NAV1: variants seen among roughly 807,000 people sequenced by gnomAD.
The protein encoded by NAV1 is pore membrane and/or filament interacting like protein 3.
A neutral mutation model predicts 175.2 loss-of-function variants in NAV1; 18 were observed. The observed-to-expected ratio is 0.10, with a 90% CI of 0.07 to 0.15. The LOEUF is 0.15. NAV1 is among the 10% of genes least tolerant of loss of function. NAV1 has a pLI of 1.00. For missense variants in NAV1, 1,731 were observed against 2,436.6 expected (o/e 0.71, Z 6.10); for synonymous variants, 897 against 978.7 (o/e 0.92, Z 1.56).
In NAV1 at chr1:201,697,676, G is replaced by C. The variant is rs574411186; in HGVS notation, c.758-15141G>C. On this transcript the variant is annotated intron_variant, in intron 1 of 29. Coordinates refer to ENST00000367296, the Ensembl canonical transcript of NAV1. Reference sequence around the variant, plus strand: ...CAGCCTCTTCTGGGCTTGCAGCAGGGCTGTCTATACTGGTCCATACACAGG... The same window carrying C: ...CAGCCTCTTCTGGGCTTGCAGCAGGCCTGTCTATACTGGTCCATACACAGG... Among the ~76,000 whole-genome samples the C allele has an allele frequency of 2.0e-5, 3 of 152,266 alleles. No individual in the cohort carries two copies. In the South Asian group the frequency reaches 6.2e-4, roughly 32 times the overall value.
chr1:201,586,771 C>T (rs1045303339), intron 1 of NAV1, among the ~76,000 whole-genome samples: 5 of 152,132 alleles, frequency 3.3e-5, no homozygotes, highest in African/African-American at 7.2e-5. Context: ...TCTCATTTAA[C>T]CTTAATTACC....
At chr1:201,670,612 A>T (rs1670005982) in intron 1 of NAV1, among the ~76,000 whole-genome samples, 2 of 151,542 alleles carry the variant, frequency 1.3e-5, no homozygotes, top group East Asian at 3.9e-4. Flanking sequence ...TTTTTTGTTG[A>T]TGATGGCAGT....
At chr1:201,669,396 G>A (rs1669949599) in intron 1 of NAV1, among the ~76,000 whole-genome samples, 1 of 152,186 alleles carries the variant, frequency 6.6e-6, no homozygotes, top group Admixed American at 6.5e-5. Context: ...GTATGTGTCA[G>A]CACAGAGGTC....
chr1:201,813,307 TAACA>T lies in NAV1; in HGVS notation c.5340+52_5340+55del. On this transcript the variant is annotated intron_variant, in intron 28 of 29. Transcript: ENST00000367296. The surrounding 1 kb of genome is among the most constrained non-coding windows in gnomAD (Gnocchi z 4.2). Reference sequence around the variant, plus strand: ...AACCCTAAGATCAGGCTGTCCTACCTAACAAAGTAGGAATGTTTCTTTAATGTTA... The same window carrying T: ...AACCCTAAGATCAGGCTGTCCTACCTAAGTAGGAATGTTTCTTTAATGTTA... 4.2e-6 allele frequency: 5 copies of T among 1,203,168 alleles called. No homozygotes were observed. The highest frequency in any genetic ancestry group is 6.1e-6 in the Non-Finnish European group (5 of 821,394). 74.5% of individuals were successfully genotyped at this position (1,203,168 alleles called of 1,614,324 possible).
At chr1:201,623,212 G>A in exon 1 of NAV1, 1 of 986,014 alleles carries the variant, frequency 1.0e-6, no homozygotes, top group Non-Finnish European at 1.2e-6. Context: ...CCCGAAAGCA[G>A]CCCTCTCCAG....
intron 3 of NAV1, among the ~76,000 whole-genome samples, chr1:201,731,396 AG>A (rs377139409): frequency 6.6e-4 from 100 of 152,128 alleles, no homozygotes; most frequent in African/African-American, 2.3e-3. Flanking sequence ...TGAGAGGTGG[AG>A]GGACCCCTCC....
Position 201,812,403 on chromosome 1 carries a change from G to T in NAV1, c.5025-62G>T. On this transcript the variant is annotated intron_variant, in intron 26 of 29. Coordinates refer to ENST00000367296, the Ensembl canonical transcript of NAV1. This position sits in a 1 kb window ranked among gnomAD's most constrained non-coding sequence, Gnocchi z 4.6. The stretch of plus-strand genomic sequence containing the variant: ...CAGAAGGAGGGACAGACTGGCAGGG[G>T]CTGAACCCTGACAATGTCCCCATTG... The T allele has an allele frequency of 6.5e-7, 1 of 1,529,062 alleles. No homozygotes were observed. The allele number at this position is 1,529,062 out of a possible 1,614,324, so 94.7% of individuals were successfully genotyped here. A position where few individuals can be genotyped will look rare whatever the true frequency, so the allele number is the denominator to read the frequency against.
intron 3 of NAV1, among the ~76,000 whole-genome samples, chr1:201,760,736 A>G (rs565491540): frequency 5.9e-5 from 9 of 152,304 alleles, no homozygotes; most frequent in African/African-American, 2.2e-4. Context: ...GTGGATTTGG[A>G]TGGGAGTCTC....
At chr1:201,727,583 C>A (rs1672661372) in intron 3 of NAV1, among the ~76,000 whole-genome samples, 1 of 152,184 alleles carries the variant, frequency 6.6e-6, no homozygotes, top group South Asian at 2.1e-4. Context: ...TGAAGAATGT[C>A]TTGGGCCGGG....
At chr1:201,660,862 C>G (rs1030651839) in intron 1 of NAV1, among the ~76,000 whole-genome samples, 4 of 152,116 alleles carry the variant, frequency 2.6e-5, no homozygotes, top group Admixed American at 6.5e-5. Context: ...GTGGAGGTCC[C>G]AGAGGAAGGG....
chr1:201,782,265 C>T lies in NAV1; in HGVS notation c.1753C>T (p.Arg585Cys), dbSNP rs150675502. The T allele has an allele frequency of 6.8e-6, 11 of 1,614,066 alleles. No homozygotes were observed. The highest frequency in any genetic ancestry group is 2.7e-5 in the African/African-American group (2 of 74,922). The stretch of plus-strand genomic sequence containing the variant: ...CTCCTCCTCTGATGCTGGTCGGGAC[C>T]GCCTGAGTGATGCTAAGAAGCCCCC... The change falls in exon 6 of 30, where the codon CGC becomes TGC. Residue 585 changes from arginine (R) to cysteine (C), a missense_variant. By Grantham distance (180) the Arg-to-Cys change is radical (BLOSUM62 -3). Around this residue, in one of 13 missense-constraint regions of NAV1, gnomAD observed 634 missense variants for 766.8 expected, o/e 0.83. Coordinates refer to ENST00000367296, the Ensembl canonical transcript of NAV1. This position sits in a 1 kb window ranked among gnomAD's most constrained non-coding sequence, Gnocchi z 5.4.
chr1:201,627,045 T>C (rs1483942797), intron 1 of NAV1, among the ~76,000 whole-genome samples: 1 of 152,252 alleles, frequency 6.6e-6, no homozygotes, highest in African/African-American at 2.4e-5. Flanking sequence ...TTGCATCATA[T>C]TAATGGCAGC....
chr1:201,823,628 ATTGG>A (rs1679513636), exon 30 of NAV1: 1 of 152,218 alleles, frequency 6.6e-6, no homozygotes, highest in South Asian at 2.1e-4. Context: ...TGAAATGTTC[ATTGG>A]TTGGTATACT....
At chr1:201,551,117 C>T (rs1665840460) in intron 1 of NAV1, among the ~76,000 whole-genome samples, 3 of 152,324 alleles carry the variant, frequency 2.0e-5, no homozygotes. Context: ...TACCCAAAGC[C>T]ACATAACTTT....
chr1:201,670,380 C>CAAAAAAAAA (rs58216500), intron 1 of NAV1, among the ~76,000 whole-genome samples: 2 of 12,170 alleles, frequency 1.6e-4, no homozygotes, highest in African/African-American at 5.6e-4. Context: ...GACTCCATCT[C>CAAAAAAAAA]AAAAAAAAAA....
At chr1:201,795,296 A>G (rs1201850192) in intron 15 of NAV1, 1 of 152,188 alleles carries the variant, frequency 6.6e-6, no homozygotes, top group Non-Finnish European at 1.5e-5. Context: ...AGAGAACTCC[A>G]TTGACTTTTC....
At chr1:201,543,130 C>T (rs768648986) in intron 1 of NAV1, among the ~76,000 whole-genome samples, 4 of 151,970 alleles carry the variant, frequency 2.6e-5, no homozygotes, top group African/African-American at 9.7e-5. Flanking sequence ...TTTTTCTTGC[C>T]TAATTGCTCT....
Position 201,782,783 on chromosome 1 carries a change from T to C in NAV1, c.2271T>C (p.Ser757=), listed in dbSNP as rs149643745. The stretch of plus-strand genomic sequence containing the variant: ...ACTCAGACAACATCTCCTTGAAGAG[T>C]ATTGGCTCCCCAGAAAGTACTCCCA... Residue 757 remains serine, a synonymous_variant, in exon 6 of 30, where the codon AGT becomes AGC. Transcript: ENST00000367296. This position sits in a 1 kb window ranked among gnomAD's most constrained non-coding sequence, Gnocchi z 5.4. 4.2e-5 allele frequency: 68 copies of C among 1,613,400 alleles called. No individual in the cohort carries two copies. The highest frequency in any genetic ancestry group is 1.5e-4 in the African/African-American group (11 of 74,784).
At chr1:201,690,263 C>T (rs1571886237) in intron 1 of NAV1, among the ~76,000 whole-genome samples, 1 of 105,154 alleles carries the variant, frequency 9.5e-6, no homozygotes, top group East Asian at 3.0e-4. Flanking sequence ...CAGAGTATGT[C>T]TATTTCCTCT....
Sources: gnomAD v4.1 joint callset for allele counts (sites outside exome capture counted in the v4.1 genomes callset) on GRCh38, gnomAD v4.1.1 for gene constraint, gnomAD v4.1.1 regional missense constraint, Gnocchi (gnomAD v3.1) non-coding constraint, MANE v1.5 for transcripts, NCBI Gene and HGNC (gene_info 2026-07-23, HGNC 2026-07-21) for gene names.